Variants in THBS4 observed in about 807,000 individuals in gnomAD.
THBS4 encodes thrombospondin 4.
THBS4 carries 90 observed loss-of-function variants against 115.7 expected under a neutral mutation model. The ratio of observed to expected loss-of-function variants is 0.78; its 90% CI spans 0.66 to 0.93. THBS4 has a LOEUF of 0.93. Ranked by LOEUF, THBS4 falls within the 40% of genes least tolerant of loss-of-function variation. THBS4 has a pLI of 0.00. For missense variants in THBS4, 1,087 were observed against 1,232.7 expected (o/e 0.88, Z 1.77); for synonymous variants, 460 against 479.3 (o/e 0.96, Z 0.53).
intron 2 of THBS4, among the ~76,000 whole-genome samples, chr5:80,045,470 GAC>G (rs1833031781): frequency 6.6e-6 from 1 of 150,468 alleles, no homozygotes; most frequent in Admixed American, 6.6e-5. Flanking sequence ...TAAAATTATA[GAC>G]ACAATAATAA....
intron 2 of THBS4, among the ~76,000 whole-genome samples, chr5:80,019,385 A>G (rs1195452050): frequency 6.6e-6 from 1 of 152,216 alleles, no homozygotes; most frequent in African/African-American, 2.4e-5. Context: ...GGATTTTTTT[A>G]AGTCATAAAA....
intron 1 of THBS4, among the ~76,000 whole-genome samples, chr5:80,037,309 A>G (rs1832749219): frequency 6.6e-6 from 1 of 152,134 alleles, no homozygotes; most frequent in African/African-American, 2.4e-5. Context: ...TTTCTGATAG[A>G]TTCTTTTATT....
chr5:80,052,264 T>A (rs981241888), intron 2 of THBS4: 3 of 152,186 alleles, frequency 2.0e-5, no homozygotes, highest in African/African-American at 7.2e-5. Flanking sequence ...ATTCTCAACA[T>A]TAAAAAAATT....
At chr5:80,038,893 C>A (rs1228042292) in intron 1 of THBS4, among the ~76,000 whole-genome samples, 1 of 152,186 alleles carries the variant, frequency 6.6e-6, no homozygotes, top group East Asian at 1.9e-4. Context: ...GCCCATTTCC[C>A]TGAACCCTCA....
intron 2 of THBS4, among the ~76,000 whole-genome samples, 154 bp downstream of exon 2, chr5:80,040,434 T>A (rs1832861315): frequency 7.1e-6 from 1 of 140,640 alleles, no homozygotes; most frequent in South Asian, 2.4e-4. Flanking sequence ...TACTGTACAT[T>A]TACCTATATT....
chr5:79,991,701 A>G (rs1425547714), intron 1 of THBS4, among the ~76,000 whole-genome samples: 1 of 152,110 alleles, frequency 6.6e-6, no homozygotes, highest in African/African-American at 2.4e-5. Flanking sequence ...CCTCATGTTC[A>G]CTGGCACAAC....
intron 1 of THBS4, among the ~76,000 whole-genome samples, chr5:80,036,528 A>G (rs1832725006): frequency 6.6e-6 from 1 of 152,234 alleles, no homozygotes; most frequent in Non-Finnish European, 1.5e-5. Flanking sequence ...AAGAAAAAAG[A>G]AAGAAATTGA....
intron 16 of THBS4, among the ~76,000 whole-genome samples, chr5:80,077,647 A>G (rs1430511892): frequency 6.6e-6 from 1 of 152,206 alleles, no homozygotes; most frequent in Non-Finnish European, 1.5e-5. Flanking sequence ...AGTGTTAGAG[A>G]TATTCTGGTA....
Position 80,078,046 on chromosome 5 carries a change from C to T in THBS4, c.2087-3C>T. ...GCTCCTGTCCTTTCTCCACCCCACT[C>T]AGGCGACGGAGTGGGAGACATCTGT... On this transcript the variant is annotated splice_polypyrimidine_tract_variant and splice_region_variant and intron_variant, in intron 16 of 21. Transcript: ENST00000350881. 7 of 1,570,276 alleles carry T rather than the reference C, an allele frequency of 4.5e-6. No homozygotes were observed. The highest frequency in any genetic ancestry group is 6.1e-6 in the Non-Finnish European group (7 of 1,150,614).
At chr5:79,991,642 C>G (rs1474885802) in intron 1 of THBS4, among the ~76,000 whole-genome samples, 1 of 152,206 alleles carries the variant, frequency 6.6e-6, no homozygotes, top group Non-Finnish European at 1.5e-5. Flanking sequence ...AACCCCTTCT[C>G]CCATGTATGT....
intron 17 of THBS4, 71 bp downstream of exon 17, chr5:80,078,298 A>G (rs1266689125): frequency 6.0e-6 from 8 of 1,333,474 alleles, no homozygotes; most frequent in South Asian, 1.7e-5. Context: ...GTGGTAGGTC[A>G]TGTTTAGAGG....
intron 5 of THBS4, 74 bp from the exon 6 acceptor site, chr5:80,059,366 A>G: frequency 7.0e-7 from 1 of 1,430,726 alleles, no homozygotes; most frequent in South Asian, 1.2e-5. Context: ...AGATAGCTCC[A>G]CATGGATTCT....
chr5:80,054,156 T>C (rs1315711699), intron 2 of THBS4, among the ~76,000 whole-genome samples: 3 of 128,608 alleles, frequency 2.3e-5, no homozygotes, highest in East Asian at 2.2e-4. Flanking sequence ...TTTCTTTTCT[T>C]TTCTTTTTTT....
intron 2 of THBS4, among the ~76,000 whole-genome samples, chr5:80,004,309 G>A (rs1177311632): frequency 1.3e-5 from 2 of 152,220 alleles, no homozygotes; most frequent in Non-Finnish European, 2.9e-5. Context: ...GATTCTGTGA[G>A]TGGGACCAGC....
At chr5:80,070,596 T>C (rs759783716) in intron 11 of THBS4, 47 bp from the exon 12 acceptor site, 32 of 1,574,474 alleles carry the variant, frequency 2.0e-5, no homozygotes, top group Non-Finnish European at 2.7e-5. Flanking sequence ...AGTTACTGGC[T>C]TAACACAAAT....
intron 8 of THBS4, among the ~76,000 whole-genome samples, chr5:80,064,125 A>G (rs1225604118): frequency 6.6e-6 from 1 of 152,252 alleles, no homozygotes; most frequent in East Asian, 1.9e-4. Flanking sequence ...TAGCCCTAAG[A>G]AACAACAAAG....
chr5:80,067,748 C>T (rs1833883254), intron 9 of THBS4: 1 of 491,942 alleles, frequency 2.0e-6, no homozygotes, highest in African/African-American at 2.0e-5. Flanking sequence ...TCCTTCACTT[C>T]TATTCCTTCT....
exon 1 of THBS4, chr5:79,991,376 A>G: frequency 1.3e-6 from 1 of 777,380 alleles, no homozygotes; most frequent in Admixed American, 3.1e-5. Context: ...GACTGGAGGG[A>G]TTAAGAAGAA....
chr5:80,021,226 T>C (rs1381542968), intron 2 of THBS4, among the ~76,000 whole-genome samples: 1 of 152,144 alleles, frequency 6.6e-6, no homozygotes, highest in Non-Finnish European at 1.5e-5. Flanking sequence ...TCCCTCCAAC[T>C]GCAAGTCCAT....
Sources: allele counts gnomAD v4.1 joint callset (sites outside exome capture counted in the v4.1 genomes callset), GRCh38; gene constraint gnomAD v4.1.1; transcripts MANE v1.5; gene names NCBI Gene and HGNC (gene_info 2026-07-23, HGNC 2026-07-21).